Variants in IL1RAPL2 observed in about 807,000 individuals in gnomAD.
IL1RAPL2 encodes interleukin 1 receptor accessory protein like 2, also known as X-linked interleukin-1 receptor accessory protein-like 2.
Under a neutral mutation model 44.1 loss-of-function variants are expected in IL1RAPL2, and 3 were observed. That is an observed-to-expected ratio of 0.07 (90% confidence interval 0.03 to 0.18). IL1RAPL2 has a LOEUF of 0.18. IL1RAPL2 is among the 10% of genes least tolerant of loss of function. The pLI is 1.00. For missense variants in IL1RAPL2, 391 were observed against 496.4 expected (o/e 0.79, Z 2.02); for synonymous variants, 181 against 178.8 (o/e 1.01, Z -0.10).
chrX:105,007,989 G>T (rs77181811), intron 2 of IL1RAPL2, among the ~76,000 whole-genome samples: 408 of 12,283 alleles, frequency 0.033, 34 homozygotes, highest in South Asian at 0.19. Flanking sequence ...TTACTATTGA[G>T]AAGAGAATTG....
At chrX:105,154,053 T>A (rs2033249982) in intron 2 of IL1RAPL2, among the ~76,000 whole-genome samples, 2 of 111,983 alleles carry the variant, frequency 1.8e-5, no homozygotes, top group Admixed American at 1.9e-4. Flanking sequence ...TATTTTGATT[T>A]CCTTCAGGGC....
intron 6 of IL1RAPL2, among the ~76,000 whole-genome samples, chrX:105,486,467 T>A (rs1450926581): frequency 9.0e-6 from 1 of 111,547 alleles, no homozygotes; most frequent in Non-Finnish European, 1.9e-5. Context: ...TGGCTCTTCT[T>A]ATGTCCCCTA....
At chrX:105,374,945 CAA>C (rs149097097) in intron 5 of IL1RAPL2, among the ~76,000 whole-genome samples, 4,837 of 28,903 alleles carry the variant, frequency 0.17, 521 homozygotes, top group African/African-American at 0.4. Flanking sequence ...GACTCCATCT[CAA>C]AAAAAAAAAA....
At chrX:104,845,505 A>G (rs973272328) in intron 2 of IL1RAPL2, among the ~76,000 whole-genome samples, 10 of 112,327 alleles carry the variant, frequency 8.9e-5, no homozygotes, top group Admixed American at 1.9e-4. Flanking sequence ...TGAGGATTAC[A>G]TAAATATTTT....
chrX:105,064,934 G>T (rs1185040390), intron 2 of IL1RAPL2, among the ~76,000 whole-genome samples: 1 of 111,851 alleles, frequency 8.9e-6, no homozygotes, highest in East Asian at 2.8e-4. Context: ...GCAAGGGCAG[G>T]ATCAAGATCG....
chrX:105,747,448 T>TTC (rs746410456), intron 8 of IL1RAPL2, among the ~76,000 whole-genome samples: 1,491 of 84,587 alleles, frequency 0.018, 14 homozygotes, highest in East Asian at 0.042. Context: ...TGATTGGCTG[T>TTC]TCTCTCTCTC....
chrX:104,658,553 A>G (rs1402088805), intron 1 of IL1RAPL2, among the ~76,000 whole-genome samples: 5 of 112,503 alleles, frequency 4.4e-5, no homozygotes, highest in Non-Finnish European at 9.4e-5. Context: ...AACATGGCAC[A>G]TGTATACCTA....
chrX:105,424,462 C>A (rs2035794817), intron 5 of IL1RAPL2, among the ~76,000 whole-genome samples: 1 of 110,062 alleles, frequency 9.1e-6, no homozygotes, highest in African/African-American at 3.3e-5. Flanking sequence ...CAGATTTGCC[C>A]TAAGTAGTTC....
chrX:104,924,143 A>C (rs1393384569), intron 2 of IL1RAPL2, among the ~76,000 whole-genome samples: 2 of 111,275 alleles, frequency 1.8e-5, no homozygotes, highest in African/African-American at 6.5e-5. Context: ...CCAACACTAG[A>C]GTATCGAGAC....
At chrX:105,091,173 A>G (rs900136018) in intron 2 of IL1RAPL2, among the ~76,000 whole-genome samples, 2 of 112,402 alleles carry the variant, frequency 1.8e-5, no homozygotes, top group African/African-American at 6.5e-5. Flanking sequence ...GTAATCTTGT[A>G]TCAGTTTCCT....
intron 2 of IL1RAPL2, among the ~76,000 whole-genome samples, chrX:104,800,693 T>C (rs1191389488): frequency 1.8e-5 from 2 of 112,860 alleles, no homozygotes; most frequent in Admixed American, 9.4e-5. Flanking sequence ...AGAAAAATCT[T>C]CACACTTTAA....
rs970658691 is a variant in IL1RAPL2, at chrX:105,429,414, G to A, written c.698-54899G>A. ...TTCATAATCTATACTTATCAAATTT[G>A]GTGACATTAAACAGTGGTTTTCAAA... On this transcript the variant is annotated intron_variant, in intron 5 of 10. Coordinates refer to ENST00000372582, the MANE Select transcript of IL1RAPL2 (RefSeq NM_017416.2). Among the ~76,000 whole-genome samples the A allele has an allele frequency of 3.6e-5, 4 of 111,712 alleles. No homozygotes were observed. In the South Asian group the frequency reaches 1.5e-3, roughly 41 times the overall value.
rs1304618858 is a variant in IL1RAPL2, at chrX:104,838,820, C to CTTCT, written c.82+179852_82+179855dup. 3.3e-3 allele frequency among the ~76,000 whole-genome samples: 255 copies of CTTCT among 76,551 alleles called. 11 individuals are homozygous for CTTCT. Among genetic ancestry groups the CTTCT allele is most frequent in the Middle Eastern group, 0.013 (2 of 159 alleles). The allele number at this position is 76,551 out of a possible 115,157, so 66.5% of individuals were successfully genotyped here. A position where few individuals can be genotyped will look rare whatever the true frequency, so the allele number is the denominator to read the frequency against. Reference sequence around the variant, plus strand: ...TTCTGCCTCTTTTCTCTTTTCTTTTCTTCTTTCTTTCTTTCTTTCTTTCTT... The same window carrying CTTCT: ...TTCTGCCTCTTTTCTCTTTTCTTTTCTTCTTTCTTTCTTTCTTTCTTTCTTTCTT... On this transcript the variant is annotated intron_variant, in intron 2 of 10. Coordinates refer to ENST00000372582, the MANE Select transcript of IL1RAPL2 (RefSeq NM_017416.2).
chrX:105,303,847 G>A (rs1448765174), intron 5 of IL1RAPL2, among the ~76,000 whole-genome samples: 2 of 112,681 alleles, frequency 1.8e-5, no homozygotes, highest in East Asian at 2.8e-4. Context: ...CAGGATCTCC[G>A]AAGAGGTCAC....
intron 5 of IL1RAPL2, among the ~76,000 whole-genome samples, chrX:105,275,651 G>A (rs149148305): frequency 0.015 from 1,612 of 110,476 alleles, 32 homozygotes; most frequent in African/African-American, 0.052. Context: ...CTTTGTGTTT[G>A]TAGAGCATCT....
At chrX:105,476,402 T>C (rs2036197816) in intron 5 of IL1RAPL2, among the ~76,000 whole-genome samples, 1 of 111,974 alleles carries the variant, frequency 8.9e-6, no homozygotes, top group Admixed American at 9.5e-5. Context: ...AGGGTTGTAG[T>C]AGGTAGGGAG....
At chrX:105,165,106 G>A (rs757868039) in intron 2 of IL1RAPL2, among the ~76,000 whole-genome samples, 7 of 111,561 alleles carry the variant, frequency 6.3e-5, no homozygotes, top group African/African-American at 2.3e-4. Flanking sequence ...TATTCTGGAA[G>A]GAAGGAAGTT....
At chrX:104,673,930 A>G (rs1303924715) in intron 2 of IL1RAPL2, among the ~76,000 whole-genome samples, 1 of 110,307 alleles carries the variant, frequency 9.1e-6, no homozygotes, top group African/African-American at 3.3e-5. Flanking sequence ...AATGCTTGTG[A>G]TTTTTGTACA....
At chrX:104,892,471 C>T (rs1487331002) in intron 2 of IL1RAPL2, among the ~76,000 whole-genome samples, 1 of 111,489 alleles carries the variant, frequency 9.0e-6, no homozygotes, top group Admixed American at 9.6e-5. Context: ...ATTTCAGAGA[C>T]TGTTATTGGT....
Sources: gnomAD v4.1 joint callset for allele counts (sites outside exome capture counted in the v4.1 genomes callset) on GRCh38, gnomAD v4.1.1 for gene constraint, MANE v1.5 for transcripts, NCBI Gene and HGNC (gene_info 2026-07-23, HGNC 2026-07-21) for gene names.